The following PCBD2 variants were observed in gnomAD, a reference collection of about 807,000 sequenced individuals.
PCBD2 encodes the protein pterin-4-alpha-carbinolamine dehydratase 2.
In PCBD2, 12 loss-of-function variants were observed where a neutral mutation model predicts 16.4. That is an observed-to-expected ratio of 0.73 (90% CI 0.47 to 1.19). The LOEUF (loss-of-function observed/expected upper bound fraction) is 1.19, where lower values mean the gene tolerates loss of function less well. Among genes scored for constraint, PCBD2 ranks in the 50% most tolerant of loss-of-function variants. The pLI is 0.00. For synonymous variants in PCBD2, 58 were observed against 61.8 expected (o/e 0.94, Z 0.29); for missense variants, 138 against 156.8 (o/e 0.88, Z 0.64).
intron 2 of PCBD2, among the ~76,000 whole-genome samples, chr5:134,936,989 C>T (rs1442807113): frequency 6.6e-6 from 1 of 152,042 alleles, no homozygotes; most frequent in African/African-American, 2.4e-5. Flanking sequence ...CCAAATGAGC[C>T]AATTTTATAG....
intron 1 of PCBD2, chr5:134,905,516 G>A (rs1750675574): frequency 9.8e-6 from 3 of 307,092 alleles, no homozygotes; most frequent in African/African-American, 2.2e-5. Context: ...AACTACAAAA[G>A]GCAGATGTGA....
At chr5:134,948,616 T>C (rs1751325525) in intron 2 of PCBD2, among the ~76,000 whole-genome samples, 3 of 152,112 alleles carry the variant, frequency 2.0e-5, no homozygotes, top group Admixed American at 6.5e-5. Flanking sequence ...CATTTAACAG[T>C]ATATGTTGAA....
At chr5:134,918,981 T>G (rs757250889) in intron 2 of PCBD2, among the ~76,000 whole-genome samples, 1 of 152,138 alleles carries the variant, frequency 6.6e-6, no homozygotes, top group Non-Finnish European at 1.5e-5. Context: ...AACAGATAGA[T>G]GAGGAGAAAT....
intron 1 of PCBD2, among the ~76,000 whole-genome samples, chr5:134,908,332 G>GT (rs1750724066): frequency 6.7e-6 from 1 of 150,250 alleles, no homozygotes; most frequent in Non-Finnish European, 1.5e-5. Context: ...CTAGTAAGTG[G>GT]TTTTTAACAA....
intron 2 of PCBD2, among the ~76,000 whole-genome samples, chr5:134,938,208 C>T (rs1040152756): frequency 1.8e-4 from 27 of 152,166 alleles, no homozygotes; most frequent in Admixed American, 7.2e-4. Flanking sequence ...CCTACGATGT[C>T]GCTGCCTTTT....
chr5:134,911,439 T>G (rs1436195896), intron 2 of PCBD2, among the ~76,000 whole-genome samples: 1 of 152,226 alleles, frequency 6.6e-6, no homozygotes, highest in Non-Finnish European at 1.5e-5. Flanking sequence ...AGGTAAATGC[T>G]TTTGACTATT....
chr5:134,927,444 G>T (rs928758022), intron 2 of PCBD2: 1 of 398,240 alleles, frequency 2.5e-6, no homozygotes, highest in Non-Finnish European at 4.4e-6. Context: ...TATTGTGTAC[G>T]CTAGCCATAT....
At chr5:134,924,167 G>C (rs1750951525) in intron 2 of PCBD2, 2 of 397,568 alleles carry the variant, frequency 5.0e-6, no homozygotes, top group Middle Eastern at 6.3e-4. Context: ...TAGTAATGGG[G>C]TTTGTGGGGT....
At chr5:134,941,762 G>A (rs569382627) in intron 2 of PCBD2, among the ~76,000 whole-genome samples, 29 of 152,138 alleles carry the variant, frequency 1.9e-4, no homozygotes, top group African/African-American at 5.8e-4. Context: ...AAAAAACTAC[G>A]TAATAATTTT....
At position 134,905,182 on chromosome 5, in the gene PCBD2, T is replaced by C; in HGVS notation, c.43T>C (p.Leu15=). The change falls in exon 1 of 4, where the codon TTG becomes CTG. Residue 15 remains leucine (L), a synonymous_variant. Transcript: ENST00000254908. ...GGCGCTCGGGGCGACGCGGCGCTTG[T>C]TGGCGGCGCTGCGAGGCCAGAGCCT... ...LGALGATRRL[L]AALRGQSLGL... 8.2e-7 allele frequency: 1 copy of C among 1,224,072 alleles called. No individual in the cohort carries two copies. The highest frequency in any genetic ancestry group is 1.0e-6 in the Non-Finnish European group (1 of 983,204). The allele number at this position is 1,224,072 out of a possible 1,614,324, so 75.8% of individuals were successfully genotyped here.
intron 1 of PCBD2, among the ~76,000 whole-genome samples, chr5:134,909,660 G>A (rs1206902088): frequency 6.6e-6 from 1 of 152,224 alleles, no homozygotes; most frequent in East Asian, 1.9e-4. Flanking sequence ...TAGACCAGGA[G>A]TTTGGAGCCT....
In PCBD2 at chr5:134,921,871, C is replaced by T. The variant is rs1404295691; in HGVS notation, c.216+11405C>T. ...GGCTCTTCCTGCTTCCACTGGCCTGCGTGCCACTTTGTCATGACCAAGTTG... is the reference window on the plus strand; with the variant it reads ...GGCTCTTCCTGCTTCCACTGGCCTGTGTGCCACTTTGTCATGACCAAGTTG... On this transcript the variant is annotated intron_variant, in intron 2 of 3. Transcript: ENST00000254908. Among the ~76,000 whole-genome samples the T allele has an allele frequency of 2.6e-5, 4 of 152,196 alleles. No individual in the cohort carries two copies. In the East Asian group the frequency reaches 5.8e-4, roughly 22 times the overall value.
intron 2 of PCBD2, among the ~76,000 whole-genome samples, chr5:134,937,033 T>C (rs982717681): frequency 6.6e-6 from 1 of 152,246 alleles, no homozygotes; most frequent in African/African-American, 2.4e-5. Flanking sequence ...CTGTGTGCAT[T>C]GACTTAAAAG....
At chr5:134,952,072 A>G (rs1751364644) in intron 2 of PCBD2, among the ~76,000 whole-genome samples, 1 of 150,454 alleles carries the variant, frequency 6.6e-6, no homozygotes, top group Non-Finnish European at 1.5e-5. Flanking sequence ...TTACTCTTAG[A>G]TTGTTTTTCG....
chr5:134,923,976 G>A, intron 2 of PCBD2: 1 of 394,606 alleles, frequency 2.5e-6, no homozygotes, highest in Non-Finnish European at 4.5e-6. Context: ...GGAGATATTG[G>A]ATGGGGTGGG....
intron 2 of PCBD2, among the ~76,000 whole-genome samples, chr5:134,910,933 G>A (rs1300002826): frequency 2.0e-5 from 3 of 152,152 alleles, no homozygotes; most frequent in Admixed American, 6.5e-5. Context: ...TGGGACTACA[G>A]GCATGTGCCA....
Position 134,907,275 on chromosome 5 carries a change from C to T in PCBD2, c.84+2052C>T, listed in dbSNP as rs560789574. Among the ~76,000 whole-genome samples the T allele has an allele frequency of 5.6e-4, 86 of 152,336 alleles. 1 individual carries two copies. In the South Asian group the frequency reaches 0.011, roughly 20 times the overall value. On this transcript the variant is annotated intron_variant, in intron 1 of 3. Transcript: ENST00000254908. ...TTTCTTTTTTTTTGAGACGGAGTCT[C>T]GCTCTGTTGCCCAGACTGGAGTGCA... is the stretch of plus-strand genomic sequence containing the variant.
At chr5:134,932,212 C>T (rs1383966330) in intron 2 of PCBD2, among the ~76,000 whole-genome samples, 1 of 152,028 alleles carries the variant, frequency 6.6e-6, no homozygotes, top group Non-Finnish European at 1.5e-5. Flanking sequence ...GATGGGGTCT[C>T]TGTTGCTTAG....
intron 2 of PCBD2, among the ~76,000 whole-genome samples, chr5:134,945,336 G>T (rs891559899): frequency 6.6e-6 from 1 of 152,178 alleles, no homozygotes; most frequent in African/African-American, 2.4e-5. Flanking sequence ...GCACAGAGAA[G>T]GTGATTGCTC....
Sources: allele counts gnomAD v4.1 joint callset (sites outside exome capture counted in the v4.1 genomes callset), GRCh38; gene constraint gnomAD v4.1.1; transcripts MANE v1.5; gene names NCBI Gene and HGNC (gene_info 2026-07-23, HGNC 2026-07-21).